Variants in LRP4 observed in about 807,000 individuals in gnomAD.
LRP4 encodes low-density lipoprotein receptor-related protein 4.
Under a neutral mutation model 220.3 loss-of-function variants are expected in LRP4, and 95 were observed. The ratio of observed to expected loss-of-function variants is 0.43; its 90% CI spans 0.37 to 0.51. The LOEUF (loss-of-function observed/expected upper bound fraction) is 0.51. Among genes scored for constraint, LRP4 ranks in the 20% least tolerant of loss-of-function variants. The probability of loss-of-function intolerance (pLI) is 0.00; values close to 1 mark genes in which losing one functional copy is unlikely to be tolerated. For synonymous variants in LRP4, 903 were observed against 954.6 expected, an observed-to-expected ratio of 0.95 and a Z score of 1.00; for missense variants, 1,925 against 2,567.0, an observed-to-expected ratio of 0.75 and a Z score of 5.40.
At chr11:46,902,028 C>T (rs1053739564) in intron 2 of LRP4, among the ~76,000 whole-genome samples, 5 of 151,374 alleles carry the variant, frequency 3.3e-5, no homozygotes, top group African/African-American at 1.2e-4. Context: ...CCACTGCGCC[C>T]GGCCTAAGAA....
intron 30 of LRP4, 43 bp from the exon 31 acceptor site, chr11:46,871,676 AG>A: frequency 4.5e-6 from 6 of 1,322,262 alleles, no homozygotes; most frequent in Non-Finnish European, 6.4e-6. Context: ...AACGCTTGCC[AG>A]GGAGCCCAGC....
At chr11:46,864,610 C>G (rs1395831018) in intron 35 of LRP4, 75 bp from the exon 36 acceptor site, 2 of 1,003,266 alleles carry the variant, frequency 2.0e-6, no homozygotes, top group African/African-American at 3.2e-5. Flanking sequence ...GAATGGAAAG[C>G]TGAAAGGCTC....
At chr11:46,884,388 G>A (rs1016176476) in intron 18 of LRP4, among the ~76,000 whole-genome samples, 1 of 152,048 alleles carries the variant, frequency 6.6e-6, no homozygotes, top group African/African-American at 2.4e-5. Flanking sequence ...TGGATCATGA[G>A]GTCAGGAGTT....
chr11:46,875,119 A>G lies in LRP4; in HGVS notation c.3926-16T>C, dbSNP rs770948418. The G allele has an allele frequency of 2.5e-6, 4 of 1,608,896 alleles. No homozygotes were observed. Among genetic ancestry groups the G allele is most frequent in the East Asian group, 2.2e-5 (1 of 44,884 alleles). ...TTGTTAAAACCTGGTGATGAGAAGCACAAGTATTCACACCTAGCCTGGAAC... is the reference window on the plus strand; with the variant it reads ...TTGTTAAAACCTGGTGATGAGAAGCGCAAGTATTCACACCTAGCCTGGAAC... On this transcript the variant is annotated splice_polypyrimidine_tract_variant and intron_variant, in intron 27 of 37. Coordinates refer to ENST00000378623, the MANE Select transcript of LRP4 (RefSeq NM_002334.4). The surrounding 1 kb of genome is among the most constrained non-coding windows in gnomAD (Gnocchi z 4.5).
intron 10 of LRP4, 41 bp from the exon 11 acceptor site, chr11:46,895,332 T>C (rs1941504213): frequency 6.2e-7 from 1 of 1,606,686 alleles, no homozygotes; most frequent in African/African-American, 1.3e-5. Context: ...CCTTCTGTCG[T>C]CCTCCCACTC....
rs1016124131 is a variant in LRP4, at chr11:46,875,755, T to C, written c.3699+49A>G. ...TCTCCATGGAGATCCTAGGCAGGCC[T>C]TTCCCATCTTCCCAGGCTCCTGGGA... On this transcript the variant is annotated intron_variant, in intron 26 of 37. Coordinates refer to ENST00000378623, the MANE Select transcript of LRP4 (RefSeq NM_002334.4). The surrounding 1 kb of genome is among the most constrained non-coding windows in gnomAD (Gnocchi z 4.5). The C allele has an allele frequency of 2.0e-5, 33 of 1,613,498 alleles. No individual in the cohort carries two copies. Among genetic ancestry groups the C allele is most frequent in the Non-Finnish European group, 2.7e-5 (32 of 1,179,660 alleles).
intron 20 of LRP4, among the ~76,000 whole-genome samples, chr11:46,880,122 A>T (rs544163933): frequency 2.0e-5 from 3 of 152,226 alleles, no homozygotes; most frequent in Admixed American, 2.0e-4. Flanking sequence ...AAACAAACAA[A>T]CAAAAAATGC....
At chr11:46,900,040 T>A in intron 3 of LRP4, 64 bp from the exon 4 acceptor site, 3 of 1,361,614 alleles carry the variant, frequency 2.2e-6, no homozygotes, top group Non-Finnish European at 3.1e-6. Flanking sequence ...AAGCCTGACT[T>A]AAAGCCCTCC....
chr11:46,878,860 C>A (rs1428308494), intron 22 of LRP4, 47 bp downstream of exon 22: 3 of 1,612,352 alleles, frequency 1.9e-6, no homozygotes, highest in Admixed American at 1.7e-5. Context: ...AGAGCCATTG[C>A]CCCCTCCCAG....
chr11:46,884,191 C>T (rs1941227799), intron 18 of LRP4, among the ~76,000 whole-genome samples: 2 of 152,188 alleles, frequency 1.3e-5, no homozygotes, highest in Non-Finnish European at 2.9e-5. Flanking sequence ...AGCAAGACTT[C>T]CCAAACATAG....
rs548420723 is a variant in LRP4 at position 46,886,280 on chromosome 11, G to C, written c.2424+45C>G. On this transcript the variant is annotated intron_variant, in intron 17 of 37. Transcript: ENST00000378623. ...CAAAGGTATGGGAAGCCCTTCCCTGGAGAGGGTGGATTCCACCCTTCAACC... is the reference window on the plus strand; with the variant it reads ...CAAAGGTATGGGAAGCCCTTCCCTGCAGAGGGTGGATTCCACCCTTCAACC... The C allele has an allele frequency of 1.3e-5, 21 of 1,591,624 alleles. No homozygotes were observed. The South Asian group carries it at 2.2e-4, about 17-fold the overall frequency.
In LRP4 at chr11:46,868,670, G is replaced by C; in HGVS notation, c.4881C>G (p.Leu1627=). 6.2e-7 allele frequency: 1 copy of C among 1,614,198 alleles called. No homozygotes were observed. The highest frequency in any genetic ancestry group is 8.5e-7 in the Non-Finnish European group (1 of 1,180,024). ...CGVNNGGCTH[L]CFARASDFVC... ...CGAAGTCCGAGGCTCTGGCAAAGCA[G>C]AGGTGGGTGCAGCCACCATTGTTCA... Residue 1627 remains leucine (L), a synonymous_variant, in exon 33 of 38, where the codon CTC becomes CTG. Transcript: ENST00000378623.
At position 46,886,539 on chromosome 11, in the gene LRP4, C is replaced by G; in HGVS notation, c.2216-6G>C. On this transcript the variant is annotated splice_region_variant and splice_polypyrimidine_tract_variant and intron_variant, in intron 16 of 37. Transcript: ENST00000378623. ...AAGCAGGAACTTGTCAAGACCTGAT[C>G]AAAGGCCGAAAGGGGTCTTCTTTTA... 6.2e-7 allele frequency: 1 copy of G among 1,613,460 alleles called. No homozygotes were observed. The highest frequency in any genetic ancestry group is 8.5e-7 in the Non-Finnish European group (1 of 1,179,596).
At chr11:46,895,670 C>T (rs1029066254) in intron 10 of LRP4, among the ~76,000 whole-genome samples, 4 of 152,242 alleles carry the variant, frequency 2.6e-5, no homozygotes, top group Non-Finnish European at 5.9e-5. Flanking sequence ...CTCTGCTACT[C>T]GCCAGCTGTG....
intron 1 of LRP4, among the ~76,000 whole-genome samples, chr11:46,917,059 A>C (rs1038476360): frequency 6.6e-6 from 1 of 152,246 alleles, no homozygotes; most frequent in African/African-American, 2.4e-5. Flanking sequence ...GAAAACCCAC[A>C]GGTAGTTTAA....
Position 46,890,267 on chromosome 11 carries a change from A to G in LRP4, c.1915+10T>C, listed in dbSNP as rs566481615. 7.4e-6 allele frequency: 12 copies of G among 1,613,674 alleles called. No individual in the cohort carries two copies. In the Admixed American group the frequency reaches 1.8e-4, roughly 25 times the overall value. On this transcript the variant is annotated intron_variant, in intron 14 of 37. Coordinates refer to ENST00000378623, the MANE Select transcript of LRP4 (RefSeq NM_002334.4). This position sits in a 1 kb window ranked among gnomAD's most constrained non-coding sequence, Gnocchi z 5.3. Reference sequence around the variant, plus strand: ...ACAAGAGATGAAGGAGACTGAAGGAAGGGGCTCACCCTGGCTAATGACAGC... The same window carrying G: ...ACAAGAGATGAAGGAGACTGAAGGAGGGGGCTCACCCTGGCTAATGACAGC...
chr11:46,911,841 C>CTTTT (rs540593524), intron 1 of LRP4, among the ~76,000 whole-genome samples: 73 of 118,760 alleles, frequency 6.1e-4, no homozygotes, highest in South Asian at 1.1e-3. Flanking sequence ...TGGGAATCTT[C>CTTTT]TTTTTTTTTT....
intron 7 of LRP4, among the ~76,000 whole-genome samples, chr11:46,897,868 C>T (rs1348720344): frequency 2.0e-5 from 3 of 152,350 alleles, no homozygotes; most frequent in Admixed American, 6.5e-5. Flanking sequence ...CATCATGGCC[C>T]GTTCTCAATG....
intron 1 of LRP4, among the ~76,000 whole-genome samples, chr11:46,916,792 C>T (rs1941952532): frequency 6.6e-6 from 1 of 152,106 alleles, no homozygotes; most frequent in Admixed American, 6.5e-5. Flanking sequence ...CATCCCCTTT[C>T]CTTGCAACCC....
Sources: allele counts gnomAD v4.1 joint callset (sites outside exome capture counted in the v4.1 genomes callset), GRCh38; gene constraint gnomAD v4.1.1; non-coding constraint Gnocchi (gnomAD v3.1); transcripts MANE v1.5; gene names NCBI Gene and HGNC (gene_info 2026-07-23, HGNC 2026-07-21).